The following TMEM117 variants were observed in gnomAD, a reference collection of about 807,000 sequenced individuals.
The protein encoded by TMEM117 is transmembrane protein 117.
TMEM117 carries 27 observed loss-of-function variants against 52.4 expected under a neutral mutation model. The ratio of observed to expected loss-of-function variants is 0.51; its 90% confidence interval spans 0.38 to 0.71. The LOEUF is 0.71. TMEM117 is among the 30% of genes least tolerant of loss of function. The pLI is 0.00. For synonymous variants in TMEM117, 215 were observed against 206.3 expected, an observed-to-expected ratio of 1.04 and a Z score of -0.36; for missense variants, 556 against 630.5, an observed-to-expected ratio of 0.88 and a Z score of 1.26.
intron 3 of TMEM117, among the ~76,000 whole-genome samples, chr12:43,963,335 G>A (rs1039648057): frequency 6.6e-6 from 1 of 152,062 alleles, no homozygotes; most frequent in Non-Finnish European, 1.5e-5. Context: ...TTACAGCTGA[G>A]TATCCAAAAT....
chr12:44,367,055 A>C (rs1056240962), intron 6 of TMEM117, among the ~76,000 whole-genome samples: 11 of 152,162 alleles, frequency 7.2e-5, no homozygotes, highest in African/African-American at 2.7e-4. Flanking sequence ...AAAATATTAA[A>C]AGGGAATCTC....
intron 2 of TMEM117, among the ~76,000 whole-genome samples, chr12:43,896,207 G>A (rs1284019539): frequency 1.3e-5 from 2 of 152,190 alleles, no homozygotes; most frequent in African/African-American, 2.4e-5. Context: ...CAGCAATAGT[G>A]TATGAGGCAC....
Position 44,366,591 on chromosome 12 carries a change from C to T in TMEM117, c.769-10004C>T, listed in dbSNP as rs1431035271. On this transcript the variant is annotated intron_variant, in intron 6 of 7. Coordinates refer to ENST00000266534, the MANE Select transcript of TMEM117 (RefSeq NM_032256.3). ...CTCTAGAGCTCAGAGGATGAATGCT[C>T]TTGACCTAACCCTCATTGAAGAAAG... Among the ~76,000 whole-genome samples, 32 of 152,106 alleles carry T rather than the reference C, an allele frequency of 2.1e-4. 1 individual carries two copies. Among genetic ancestry groups the T allele is most frequent in the Admixed American group, 2.0e-3 (31 of 15,248 alleles).
At chr12:43,882,127 C>G (rs1172521335) in intron 2 of TMEM117, among the ~76,000 whole-genome samples, 1 of 151,926 alleles carries the variant, frequency 6.6e-6, no homozygotes, top group Admixed American at 6.6e-5. Context: ...TAAAAATGTA[C>G]TTACTAAAAA....
At chr12:43,867,392 A>G (rs1275870536) in intron 2 of TMEM117, among the ~76,000 whole-genome samples, 1 of 152,224 alleles carries the variant, frequency 6.6e-6, no homozygotes, top group Non-Finnish European at 1.5e-5. Flanking sequence ...AAATAATATT[A>G]TGCCAAAAGA....
intron 5 of TMEM117, among the ~76,000 whole-genome samples, chr12:44,222,786 G>C (rs138767804): frequency 6.6e-6 from 1 of 152,216 alleles, no homozygotes; most frequent in Non-Finnish European, 1.5e-5. Context: ...AACTACCAAG[G>C]AATAATGTAT....
chr12:43,992,358 T>C (rs1356986736), intron 3 of TMEM117, among the ~76,000 whole-genome samples: 2 of 151,666 alleles, frequency 1.3e-5, no homozygotes, highest in East Asian at 3.9e-4. Flanking sequence ...AGCCTCCATT[T>C]CCCAGGCTCA....
chr12:43,860,784 C>A (rs1200258549), intron 2 of TMEM117, among the ~76,000 whole-genome samples: 1 of 152,134 alleles, frequency 6.6e-6, no homozygotes, highest in Non-Finnish European at 1.5e-5. Flanking sequence ...GCCTTCTCTC[C>A]TTAAGTAAAA....
intron 2 of TMEM117, among the ~76,000 whole-genome samples, chr12:43,895,039 T>A (rs893609901): frequency 6.6e-6 from 1 of 152,224 alleles, no homozygotes; most frequent in Admixed American, 6.5e-5. Flanking sequence ...GGAGATTTGT[T>A]ACATAAGTAA....
rs573716083 is a variant in TMEM117 at position 43,844,172 on chromosome 12, C to T, written c.-28-452C>T. 3.3e-4 allele frequency among the ~76,000 whole-genome samples: 50 copies of T among 152,286 alleles called. 1 individual carries two copies. Among genetic ancestry groups the T allele is most frequent in the African/African-American group, 1.2e-3 (48 of 41,564 alleles). On this transcript the variant is annotated intron_variant, in intron 1 of 7. Coordinates refer to ENST00000266534, the MANE Select transcript of TMEM117 (RefSeq NM_032256.3). ...AGAAACCCTGTCTCTACAGAAAATA[C>T]AAAAGTTAACCAGGCGTGGTGGCAC...
intron 5 of TMEM117, among the ~76,000 whole-genome samples, chr12:44,297,331 A>G (rs979469258): frequency 6.6e-6 from 1 of 152,210 alleles, no homozygotes; most frequent in Non-Finnish European, 1.5e-5. Flanking sequence ...AGGTGAAAAT[A>G]CAGTAATGAT....
At chr12:44,337,356 T>C (rs948699733) in intron 6 of TMEM117, among the ~76,000 whole-genome samples, 6 of 152,168 alleles carry the variant, frequency 3.9e-5, no homozygotes, top group African/African-American at 1.2e-4. Flanking sequence ...GGACTATAGC[T>C]TCATGACTTA....
intron 3 of TMEM117, among the ~76,000 whole-genome samples, chr12:43,950,299 G>A (rs1592386839): frequency 1.3e-5 from 2 of 152,172 alleles, no homozygotes; most frequent in East Asian, 3.9e-4. Context: ...TAAAGGAAAA[G>A]AAGAGGCAGA....
chr12:44,001,758 G>A (rs1946120223), intron 3 of TMEM117, among the ~76,000 whole-genome samples: 1 of 152,014 alleles, frequency 6.6e-6, no homozygotes, highest in African/African-American at 2.4e-5. Flanking sequence ...GGAGGGAGTG[G>A]GACTTCAAGG....
chr12:44,397,154 A>G, the TMEM117 span, among the ~76,000 whole-genome samples: 1 of 152,184 alleles, frequency 6.6e-6, no homozygotes, highest in Non-Finnish European at 1.5e-5. Context: ...AGCATGAGAG[A>G]GTTAAAACAA....
chr12:44,073,392 G>C (rs1947333802), intron 3 of TMEM117: 1 of 131,760 alleles, frequency 7.6e-6, no homozygotes, highest in Non-Finnish European at 1.5e-5. Flanking sequence ...ACCCCATCAA[G>C]CATTTTTTTT....
chr12:43,882,411 G>T (rs1441681607), intron 2 of TMEM117, among the ~76,000 whole-genome samples: 4 of 134,950 alleles, frequency 3.0e-5, no homozygotes. Flanking sequence ...AGTGAGCCAA[G>T]ATCACACCAT....
chr12:44,290,449 A>G (rs1950690617), intron 5 of TMEM117, among the ~76,000 whole-genome samples: 1 of 151,912 alleles, frequency 6.6e-6, no homozygotes, highest in Non-Finnish European at 1.5e-5. Flanking sequence ...TTCATTTATC[A>G]CAATGCCATT....
chr12:44,343,892 T>C (rs1047636540), intron 6 of TMEM117, among the ~76,000 whole-genome samples: 1 of 152,238 alleles, frequency 6.6e-6, no homozygotes, highest in African/African-American at 2.4e-5. Flanking sequence ...TGATCATCTT[T>C]GACTATGTTT....
Sources: allele counts gnomAD v4.1 joint callset (sites outside exome capture counted in the v4.1 genomes callset), GRCh38; gene constraint gnomAD v4.1.1; transcripts MANE v1.5; gene names NCBI Gene and HGNC (gene_info 2026-07-23, HGNC 2026-07-21).